ZNF555: variants seen among roughly 807,000 people sequenced by gnomAD.
ZNF555 encodes zinc finger protein 555.
A neutral mutation model predicts 14.0 loss-of-function variants in ZNF555; 10 were observed. The observed-to-expected ratio is 0.72, with a 90% CI of 0.44 to 1.21. The LOEUF (loss-of-function observed/expected upper bound fraction) is 1.21, where lower values mean the gene tolerates loss of function less well. Among genes scored for constraint, ZNF555 ranks in the 50% most tolerant of loss-of-function variants. ZNF555 has a pLI of 0.00. For missense variants in ZNF555, 747 were observed against 762.0 expected (o/e 0.98, Z 0.23); for synonymous variants, 277 against 262.4 (o/e 1.06, Z -0.54).
At position 2,850,684 on chromosome 19, in the gene ZNF555, T is replaced by G; in HGVS notation, c.101T>G (p.Leu34Arg). The G allele has an allele frequency of 6.2e-7, 1 of 1,613,896 alleles. No individual in the cohort carries two copies. The highest frequency in any genetic ancestry group is 8.5e-7 in the Non-Finnish European group (1 of 1,179,848). Reference protein sequence around the residue: ...AQRDLYRDVMLETFQNLASVD... With the variant: ...AQRDLYRDVMRETFQNLASVD... ...AGGGACCTCTACAGAGATGTGATGC[T>G]GGAGACCTTTCAGAACCTGGCCTCA... The change falls in exon 2 of 4, where the codon CTG becomes CGG. Residue 34 changes from leucine (L) to arginine (R), a missense_variant. Transcript: ENST00000334241.
rs922238844 is a variant in ZNF555, at chr19:2,859,635, C to T, written c.*5683C>T. ...GGGGCTACAGCATCATCACTCTTGT[C>T]CTGTCGCAGACTCAGGCTCCCTGTT... is the stretch of plus-strand genomic sequence containing the variant. On this transcript the variant is annotated 3_prime_UTR_variant, in exon 4 of 4. Coordinates refer to ENST00000334241, the MANE Select transcript of ZNF555 (RefSeq NM_152791.5). The T allele has an allele frequency of 1.2e-4, 19 of 152,352 alleles. No individual in the cohort carries two copies. Among genetic ancestry groups the T allele is most frequent in the African/African-American group, 4.6e-4 (19 of 41,522 alleles). 9.4% of individuals were successfully genotyped at this position (152,352 alleles called of 1,614,324 possible). A position where few individuals can be genotyped will look rare whatever the true frequency, so the allele number is the denominator to read the frequency against.
At chr19:2,846,369 G>A (rs796432242) in intron 1 of ZNF555, among the ~76,000 whole-genome samples, 14 of 152,318 alleles carry the variant, frequency 9.2e-5, no homozygotes, top group African/African-American at 3.4e-4. Flanking sequence ...TTCGGTCACA[G>A]CTCTGAATCA....
chr19:2,853,113 A>C lies in ZNF555; in HGVS notation c.1048A>C (p.Ile350Leu). ...ATGCAAACAATGTGGGAAAACCTTC[A>C]TTTATCTCCAGTCCTTTCGAAGACA... Reference protein sequence around the residue: ...YECKQCGKTFIYLQSFRRHER... With the variant: ...YECKQCGKTFLYLQSFRRHER... Residue 350 changes from isoleucine (I) to leucine (L), a missense_variant, in exon 4 of 4, where the codon ATT becomes CTT. Coordinates refer to ENST00000334241, the MANE Select transcript of ZNF555 (RefSeq NM_152791.5). 6.2e-7 allele frequency: 1 copy of C among 1,614,204 alleles called. No individual in the cohort carries two copies. Among genetic ancestry groups the C allele is most frequent in the South Asian group, 1.1e-5 (1 of 91,084 alleles).
At position 2,853,034 on chromosome 19, in the gene ZNF555, T is replaced by C. The variant is rs139655655; in HGVS notation, c.969T>C (p.Tyr323=). Residue 323 remains tyrosine, a synonymous_variant, in exon 4 of 4, where the codon TAT becomes TAC. Transcript: ENST00000334241. ...KCKECGEAFS[Y]SSAFRRHMIT... ...AAGAATGTGGGGAGGCCTTCAGTTA[T>C]TCTTCGGCTTTTCGAAGACACATGA... 3.0e-5 allele frequency: 49 copies of C among 1,614,036 alleles called. No homozygotes were observed. The highest frequency in any genetic ancestry group is 5.9e-6 in the Non-Finnish European group (7 of 1,180,022).
At position 2,853,383 on chromosome 19, in the gene ZNF555, C is replaced by G. The variant is rs764533148; in HGVS notation, c.1318C>G (p.Arg440Gly). The G allele has an allele frequency of 2.5e-6, 4 of 1,613,856 alleles. No homozygotes were observed. The highest frequency in any genetic ancestry group is 1.1e-5 in the South Asian group (1 of 91,058). ...AACTTTCAATTGGCCCATATCTTTACGAAAACATATGAGAACACATACTAG... is the reference window on the plus strand; with the variant it reads ...AACTTTCAATTGGCCCATATCTTTAGGAAAACATATGAGAACACATACTAG... ...GKTFNWPISL[R>G]KHMRTHTREK... The change falls in exon 4 of 4, where the codon CGA becomes GGA. Residue 440 changes from arginine to glycine, a missense_variant. Arg to Gly is a moderately radical substitution (Grantham distance 125). Transcript: ENST00000334241.
Position 2,853,252 on chromosome 19 carries a change from A to G in ZNF555, c.1187A>G (p.Tyr396Cys), listed in dbSNP as rs766531743. The G allele has an allele frequency of 5.0e-6, 8 of 1,613,988 alleles. No individual in the cohort carries two copies. The African/African-American group carries it at 6.7e-5, about 13-fold the overall frequency. Reference sequence around the variant, plus strand: ...AGGACTCATGGTGGAGAGAAACCCTATGAATGCAACCAGTGCGGGAAAGCA... The same window carrying G: ...AGGACTCATGGTGGAGAGAAACCCTGTGAATGCAACCAGTGCGGGAAAGCA... ...HERTHGGEKP[Y>C]ECNQCGKAFS... Residue 396 changes from tyrosine (Y) to cysteine (C), a missense_variant, in exon 4 of 4, where the codon TAT (tyrosine) becomes TGT (cysteine). By Grantham distance (194) the Tyr-to-Cys change is radical. Transcript: ENST00000334241.
intron 1 of ZNF555, among the ~76,000 whole-genome samples, chr19:2,845,291 A>G (rs771642359): frequency 6.6e-6 from 1 of 152,228 alleles, no homozygotes; most frequent in African/African-American, 2.4e-5. Context: ...TGCAAAGGAC[A>G]TGATTTCGTT....
At chr19:2,845,174 C>T (rs567610142) in intron 1 of ZNF555, among the ~76,000 whole-genome samples, 1 of 152,138 alleles carries the variant, frequency 6.6e-6, no homozygotes, top group Non-Finnish European at 1.5e-5. Flanking sequence ...ATGTCCATGT[C>T]TACCCAAGAT....
chr19:2,845,719 C>T (rs551482476), intron 1 of ZNF555, among the ~76,000 whole-genome samples: 1 of 152,230 alleles, frequency 6.6e-6, no homozygotes, highest in East Asian at 1.9e-4. Flanking sequence ...TGGTGTTGAG[C>T]ATTTTTTCAT....
Position 2,852,866 on chromosome 19 carries a change from TTCC to T in ZNF555, c.804_806del (p.Ser269del). The T allele has an allele frequency of 6.2e-7, 1 of 1,614,192 alleles. No homozygotes were observed. The highest frequency in any genetic ancestry group is 8.5e-7 in the Non-Finnish European group (1 of 1,180,032). ...AGGAATGTGGGAAAGCTTTCAGTTA[TTCC>T]TCAACGTTTCGAAGACACACAATAA... On this transcript the variant is annotated inframe_deletion, in exon 4 of 4. Coordinates refer to ENST00000334241, the MANE Select transcript of ZNF555 (RefSeq NM_152791.5).
rs984469217 is a variant in ZNF555, at chr19:2,855,358, C to T, written c.*1406C>T. 1 of 152,116 alleles carries T rather than the reference C, an allele frequency of 6.6e-6. No individual in the cohort carries two copies. Among genetic ancestry groups the T allele is most frequent in the East Asian group, 1.9e-4 (1 of 5,188 alleles). 9.4% of individuals were successfully genotyped at this position (152,116 alleles called of 1,614,324 possible). ...TTGAGGTCAGGAGTTTGAGACCAGCCTGGTTAACATGGTGAAACCCTGTCT... is the reference window on the plus strand; with the variant it reads ...TTGAGGTCAGGAGTTTGAGACCAGCTTGGTTAACATGGTGAAACCCTGTCT... On this transcript the variant is annotated 3_prime_UTR_variant, in exon 4 of 4. Transcript: ENST00000334241.
chr19:2,846,499 C>G (rs1485843292), intron 1 of ZNF555, among the ~76,000 whole-genome samples: 1 of 152,250 alleles, frequency 6.6e-6, no homozygotes, highest in Non-Finnish European at 1.5e-5. Flanking sequence ...GTGTCTAACT[C>G]TGCAGTGTTT....
chr19:2,846,100 G>A (rs1290998895), intron 1 of ZNF555, among the ~76,000 whole-genome samples: 2 of 152,102 alleles, frequency 1.3e-5, no homozygotes, highest in African/African-American at 4.8e-5. Context: ...AGTGTAGACC[G>A]AATAATTCAG....
At chr19:2,847,206 T>A (rs1290032811) in intron 1 of ZNF555, 1 of 152,244 alleles carries the variant, frequency 6.6e-6, no homozygotes, top group African/African-American at 2.4e-5. Flanking sequence ...GTAGTATTCC[T>A]CGTCTCTTAG....
rs190109754 is a variant in ZNF555 at position 2,858,515 on chromosome 19, C to G, written c.*4563C>G. 1 of 152,168 alleles carries G rather than the reference C, an allele frequency of 6.6e-6. No homozygotes were observed. Among genetic ancestry groups the G allele is most frequent in the African/African-American group, 2.4e-5 (1 of 41,418 alleles). 9.4% of individuals were successfully genotyped at this position (152,168 alleles called of 1,614,324 possible). A position where few individuals can be genotyped will look rare whatever the true frequency, so the allele number is the denominator to read the frequency against. On this transcript the variant is annotated 3_prime_UTR_variant, in exon 4 of 4. Transcript: ENST00000334241. ...ATCCTGTCTTCAGACAAGGGGCATC[C>G]GCATCTTGTTTTCTAGGGCCTTTCC...
At chr19:2,848,538 T>C (rs2144849329) in intron 1 of ZNF555, among the ~76,000 whole-genome samples, 1 of 151,862 alleles carries the variant, frequency 6.6e-6, no homozygotes, top group Non-Finnish European at 1.5e-5. Context: ...AACCTCCACC[T>C]CCCGGGTTCA....
At chr19:2,843,183 A>AT (rs1168515389) in intron 1 of ZNF555, among the ~76,000 whole-genome samples, 3 of 151,718 alleles carry the variant, frequency 2.0e-5, no homozygotes, top group Admixed American at 6.6e-5. Flanking sequence ...TATTACTATT[A>AT]TTTTTTTGGG....
chr19:2,848,156 C>CTTT (rs60198246), intron 1 of ZNF555, among the ~76,000 whole-genome samples: 1 of 144,490 alleles, frequency 6.9e-6, no homozygotes. Flanking sequence ...GTTTTCTTTT[C>CTTT]TTTTTTTTTT....
chr19:2,850,670 C>A lies in ZNF555; in HGVS notation c.87C>A (p.Tyr29Ter). ...ALLDSAQRDL[Y>*]RDVMLETFQN... ...TGGATTCTGCTCAGAGGGACCTCTA[C>A]AGAGATGTGATGCTGGAGACCTTTC... Residue 29 changes from tyrosine (Y) to a stop codon, truncating the protein, a stop_gained, in exon 2 of 4, where the codon TAC (tyrosine) becomes TAA (stop). Transcript: ENST00000334241. LOFTEE classifies it high-confidence loss of function. 6.2e-7 allele frequency: 1 copy of A among 1,613,986 alleles called. No individual in the cohort carries two copies. Among genetic ancestry groups the A allele is most frequent in the Non-Finnish European group, 8.5e-7 (1 of 1,179,898 alleles).
Sources: gnomAD v4.1 joint callset for allele counts (sites outside exome capture counted in the v4.1 genomes callset) on GRCh38, gnomAD v4.1.1 for gene constraint, MANE v1.5 for transcripts, NCBI Gene and HGNC (gene_info 2026-07-23, HGNC 2026-07-21) for gene names.